NRG1: variants seen among roughly 807,000 people sequenced by gnomAD.
NRG1 encodes neuregulin 1.
Under a neutral mutation model 63.8 loss-of-function variants are expected in NRG1, and 18 were observed. The observed-to-expected ratio is 0.28, with a 90% CI of 0.19 to 0.42. The LOEUF is 0.42. Among genes scored for constraint, NRG1 ranks in the 10% least tolerant of loss-of-function variants. The probability of loss-of-function intolerance (pLI) is 1.00; values close to 1 mark genes in which losing one functional copy is unlikely to be tolerated. For synonymous variants in NRG1, 302 were observed against 301.3 expected, an observed-to-expected ratio of 1.00 and a Z score of -0.02; for missense variants, 762 against 814.7, an observed-to-expected ratio of 0.94 and a Z score of 0.79.
intron 2 of NRG1, among the ~76,000 whole-genome samples, chr8:32,596,212 A>C (rs1843331352): frequency 6.6e-6 from 1 of 152,228 alleles, no homozygotes; most frequent in Non-Finnish European, 1.5e-5. Context: ...AAGGAAATAA[A>C]GGATGGCTGG....
chr8:32,253,490 C>T (rs1356495264), intron 1 of NRG1, among the ~76,000 whole-genome samples: 1 of 152,112 alleles, frequency 6.6e-6, no homozygotes, highest in Admixed American at 6.5e-5. Flanking sequence ...TGATGGATTA[C>T]GTTTATTGGT....
intron 5 of NRG1, among the ~76,000 whole-genome samples, chr8:32,682,760 A>G (rs183147529): frequency 3.5e-3 from 539 of 152,326 alleles, no homozygotes; most frequent in Admixed American, 6.5e-3. Flanking sequence ...TAGAAAATTT[A>G]TGTAAGAAAA....
chr8:31,679,888 A>C (rs1477491541), intron 1 of NRG1, among the ~76,000 whole-genome samples: 2 of 152,164 alleles, frequency 1.3e-5, no homozygotes, highest in Non-Finnish European at 2.9e-5. Flanking sequence ...TCAATGTACA[A>C]AATCAATTGC....
At chr8:31,844,999 T>G (rs774252801) in intron 1 of NRG1, among the ~76,000 whole-genome samples, 12 of 151,856 alleles carry the variant, frequency 7.9e-5, no homozygotes, top group Non-Finnish European at 1.6e-4. Flanking sequence ...CCCAGCTACT[T>G]GGGAGGCTGA....
At chr8:31,692,861 T>C (rs911976177) in intron 1 of NRG1, among the ~76,000 whole-genome samples, 3 of 152,186 alleles carry the variant, frequency 2.0e-5, no homozygotes, top group African/African-American at 7.2e-5. Flanking sequence ...GGAACCTGAA[T>C]AGGAAATAGC....
At chr8:32,623,526 A>G (rs1286832248) in intron 5 of NRG1, among the ~76,000 whole-genome samples, 1 of 151,894 alleles carries the variant, frequency 6.6e-6, no homozygotes, top group Non-Finnish European at 1.5e-5. Context: ...CAAACAAATT[A>G]TCATGCATCA....
chr8:32,293,694 C>T (rs1854481075), intron 1 of NRG1, among the ~76,000 whole-genome samples: 3 of 139,626 alleles, frequency 2.1e-5, no homozygotes, highest in Admixed American at 7.1e-5. Context: ...TTATTTTTTA[C>T]TATTTCTTTT....
intron 5 of NRG1, among the ~76,000 whole-genome samples, chr8:32,624,634 T>A (rs1278279588): frequency 1.3e-5 from 2 of 152,200 alleles, no homozygotes; most frequent in African/African-American, 4.8e-5. Flanking sequence ...GCAGTATCAT[T>A]TTTTTAAAAG....
intron 5 of NRG1, among the ~76,000 whole-genome samples, chr8:32,691,894 T>C (rs1161288229): frequency 6.6e-6 from 1 of 152,202 alleles, no homozygotes; most frequent in Non-Finnish European, 1.5e-5. Flanking sequence ...GAGAATTGTG[T>C]ATATCTTGTT....
At chr8:32,063,254 T>C (rs904922115) in intron 1 of NRG1, 2 of 152,094 alleles carry the variant, frequency 1.3e-5, no homozygotes, top group African/African-American at 2.4e-5. Context: ...AACAATGATA[T>C]ACAACACAGA....
chr8:31,738,124 G>A (rs563679800), intron 1 of NRG1, among the ~76,000 whole-genome samples: 1 of 152,198 alleles, frequency 6.6e-6, no homozygotes, highest in East Asian at 1.9e-4. Context: ...CCAGTAGGGA[G>A]GATGTTGCAG....
At chr8:32,103,428 C>G (rs1830824842) in intron 1 of NRG1, among the ~76,000 whole-genome samples, 1 of 152,192 alleles carries the variant, frequency 6.6e-6, no homozygotes, top group Non-Finnish European at 1.5e-5. Context: ...TTTGTCCATT[C>G]ATGTGTTGAT....
chr8:32,725,464 A>ATTTTTTTTTTTT lies in NRG1; in HGVS notation c.503-2467_503-2456dup, dbSNP rs71209904. On this transcript the variant is annotated intron_variant, in intron 5 of 11. Coordinates refer to ENST00000356819, the Ensembl canonical transcript of NRG1. The stretch of plus-strand genomic sequence containing the variant: ...TTTAACATTCGAGGCAAACTTCCTA[A>ATTTTTTTTTTTT]TTTTTTTTTTTTTTTTTTTTTTTTT... Among the ~76,000 whole-genome samples the ATTTTTTTTTTTT allele has an allele frequency of 1.9e-3, 129 of 67,580 alleles. 12 individuals carry two copies. In the East Asian group the frequency reaches 0.025, roughly 13 times the overall value. 44.3% of individuals were successfully genotyped at this position (67,580 alleles called of 152,430 possible).
intron 1 of NRG1, among the ~76,000 whole-genome samples, chr8:32,430,493 C>T (rs957501766): frequency 9.2e-5 from 14 of 152,054 alleles, no homozygotes; most frequent in Non-Finnish European, 1.5e-4. Context: ...TAGAGGTGGG[C>T]GTGTGGAGAG....
intron 5 of NRG1, among the ~76,000 whole-genome samples, chr8:32,629,618 A>C (rs1055873966): frequency 2.6e-5 from 4 of 152,224 alleles, no homozygotes; most frequent in Non-Finnish European, 5.9e-5. Context: ...AATAATATTT[A>C]TTAGAGAACT....
At chr8:32,465,209 C>T (rs915908300) in intron 1 of NRG1, among the ~76,000 whole-genome samples, 4 of 152,154 alleles carry the variant, frequency 2.6e-5, no homozygotes, top group Non-Finnish European at 4.4e-5. Context: ...ATAATAGAAA[C>T]TTTAAATGAT....
intron 6 of NRG1, among the ~76,000 whole-genome samples, chr8:32,735,789 G>A (rs1385510392): frequency 2.0e-5 from 3 of 152,174 alleles, no homozygotes; most frequent in Non-Finnish European, 2.9e-5. Context: ...AGAGATTTAG[G>A]AAGGGCACCA....
intron 1 of NRG1, among the ~76,000 whole-genome samples, chr8:31,849,467 G>C (rs1427683440): frequency 6.6e-6 from 1 of 152,210 alleles, no homozygotes; most frequent in Non-Finnish European, 1.5e-5. Context: ...AAGTTTGCCT[G>C]TTATAAACCT....
intron 1 of NRG1, among the ~76,000 whole-genome samples, chr8:32,458,920 C>T (rs1821953868): frequency 6.6e-6 from 1 of 152,202 alleles, no homozygotes; most frequent in African/African-American, 2.4e-5. Flanking sequence ...TGCTCATTCT[C>T]ATTGTCCTTC....
Sources: gnomAD v4.1 joint callset for allele counts (sites outside exome capture counted in the v4.1 genomes callset) on GRCh38, gnomAD v4.1.1 for gene constraint, MANE v1.5 for transcripts, NCBI Gene and HGNC (gene_info 2026-07-23, HGNC 2026-07-21) for gene names.